Variants in PTBP3 observed in about 807,000 individuals in gnomAD.
The protein encoded by PTBP3 is polypyrimidine tract-binding protein 3.
PTBP3 carries 20 observed loss-of-function variants against 58.7 expected under a neutral mutation model. That is an observed-to-expected ratio of 0.34 (90% CI 0.24 to 0.50). The LOEUF is 0.50. Ranked by LOEUF, PTBP3 falls within the 20% of genes least tolerant of loss-of-function variation. The pLI, the probability that PTBP3 is intolerant of heterozygous loss-of-function variation, is 0.98. For synonymous variants in PTBP3, 185 were observed against 219.8 expected (o/e 0.84, Z 1.40); for missense variants, 509 against 637.2 (o/e 0.80, Z 2.17).
chr9:112,287,672 C>A (rs572142951), intron 2 of PTBP3, among the ~76,000 whole-genome samples: 49 of 152,208 alleles, frequency 3.2e-4, no homozygotes, highest in African/African-American at 1.1e-3. Context: ...GCTTCAGTTT[C>A]TTTTGCTATC....
At chr9:112,361,618 T>C in the PTBP3 span, among the ~76,000 whole-genome samples, 3 of 152,232 alleles carry the variant, frequency 2.0e-5, no homozygotes, top group Non-Finnish European at 4.4e-5. Flanking sequence ...CCCAAGTCAA[T>C]TATTATATCA....
chr9:112,267,148 AT>A (rs988331541), intron 4 of PTBP3, among the ~76,000 whole-genome samples: 5 of 151,390 alleles, frequency 3.3e-5, no homozygotes, highest in African/African-American at 1.2e-4. Flanking sequence ...TAAAATCATA[AT>A]TTTAAAAAAA....
chr9:112,310,579 T>A (rs923494490), intron 1 of PTBP3, among the ~76,000 whole-genome samples: 1 of 152,206 alleles, frequency 6.6e-6, no homozygotes, highest in Admixed American at 6.5e-5. Context: ...TGGGGAAGAT[T>A]AGGGAACAAA....
intron 1 of PTBP3, among the ~76,000 whole-genome samples, chr9:112,320,314 A>ATATATATATATATATTTT: frequency 0.026 from 1,965 of 75,006 alleles, 57 homozygotes; most frequent in Non-Finnish European, 0.032. Flanking sequence ...ATATATATAT[A>ATATATATATATATATTTT]TTTTTTTTTA....
chr9:112,256,296 T>TATATATAC (rs1325197563), intron 5 of PTBP3, among the ~76,000 whole-genome samples: 1 of 70,308 alleles, frequency 1.4e-5, no homozygotes, highest in Non-Finnish European at 2.7e-5. Context: ...TATATATACA[T>TATATATAC]ATATATATAT....
chr9:112,295,747 A>G (rs1334095538), intron 2 of PTBP3, among the ~76,000 whole-genome samples: 1 of 152,210 alleles, frequency 6.6e-6, no homozygotes. Context: ...AAGGACATAA[A>G]ATAGAACCTA....
At chr9:112,277,919 AAC>A (rs1335843578) in intron 2 of PTBP3, among the ~76,000 whole-genome samples, 31 of 131,866 alleles carry the variant, frequency 2.4e-4, no homozygotes, top group South Asian at 1.0e-3. Flanking sequence ...AACATAACAT[AAC>A]ATAACATAAC....
the PTBP3 span, among the ~76,000 whole-genome samples, chr9:112,378,919 G>A: frequency 6.6e-6 from 1 of 152,228 alleles, no homozygotes; most frequent in Non-Finnish European, 1.5e-5. Flanking sequence ...GGGCGCGGAG[G>A]CTCACGCCTG....
At chr9:112,257,777 TA>T (rs1836431969) in intron 5 of PTBP3, among the ~76,000 whole-genome samples, 1 of 151,896 alleles carries the variant, frequency 6.6e-6, no homozygotes, top group Non-Finnish European at 1.5e-5. Flanking sequence ...CCTCCTCCAC[TA>T]AAAGTACAAA....
At chr9:112,331,431 T>C (rs964862125) in intron 1 of PTBP3, among the ~76,000 whole-genome samples, 2 of 152,260 alleles carry the variant, frequency 1.3e-5, no homozygotes, top group Admixed American at 6.5e-5. Context: ...GAATACATTC[T>C]ACATATTGTT....
chr9:112,331,031 C>A (rs1830347549), intron 1 of PTBP3, among the ~76,000 whole-genome samples: 2 of 151,200 alleles, frequency 1.3e-5, no homozygotes, highest in South Asian at 4.2e-4. Flanking sequence ...TAAAAATATT[C>A]TATCACGTCA....
the PTBP3 span, among the ~76,000 whole-genome samples, chr9:112,371,879 A>C: frequency 6.6e-6 from 1 of 152,002 alleles, no homozygotes; most frequent in East Asian, 1.9e-4. Context: ...GATCACAGGC[A>C]TGCACCACCA....
intron 3 of PTBP3, among the ~76,000 whole-genome samples, chr9:112,271,715 C>A (rs908242603): frequency 2.6e-5 from 4 of 151,336 alleles, no homozygotes; most frequent in African/African-American, 9.7e-5. Context: ...CCAGCCTGGG[C>A]AACAGAGCAA....
chr9:112,362,088 C>G, the PTBP3 span, among the ~76,000 whole-genome samples: 1 of 152,150 alleles, frequency 6.6e-6, no homozygotes. Flanking sequence ...CCTGTAATCC[C>G]AGCACTTTGG....
At chr9:112,268,322 A>AAAT in intron 3 of PTBP3, 127 bp from the exon 4 acceptor site, 1 of 895,454 alleles carries the variant, frequency 1.1e-6, no homozygotes, top group Non-Finnish European at 1.5e-6. Flanking sequence ...CCCCAAGGGG[A>AAAT]GGGAAAAACA....
At chr9:112,345,341 TAAAAAAAAAAAA>T in the PTBP3 span, among the ~76,000 whole-genome samples, 7 of 63,696 alleles carry the variant, frequency 1.1e-4, no homozygotes, top group African/African-American at 2.3e-4. Context: ...CCCTCATCTC[TAAAAAAAAAAAA>T]AAAAAAAAAA....
At chr9:112,280,279 T>C (rs1001042936) in intron 2 of PTBP3, among the ~76,000 whole-genome samples, 1 of 152,192 alleles carries the variant, frequency 6.6e-6, no homozygotes, top group East Asian at 1.9e-4. Flanking sequence ...GGTCTCGAAC[T>C]CCTGACCTCA....
At chr9:112,330,370 T>C (rs1052753291) in intron 1 of PTBP3, 3 of 1,144,118 alleles carry the variant, frequency 2.6e-6, no homozygotes, top group African/African-American at 3.2e-5. Context: ...GATAATTTTA[T>C]GAACAGGTGA....
At chr9:112,331,127 G>A (rs868805756) in intron 1 of PTBP3, among the ~76,000 whole-genome samples, 152 of 100,078 alleles carry the variant, frequency 1.5e-3, no homozygotes, top group African/African-American at 4.6e-3. Flanking sequence ...ACACACACAC[G>A]AGAGACAGTT....
Sources: allele counts gnomAD v4.1 joint callset (sites outside exome capture counted in the v4.1 genomes callset), GRCh38; gene constraint gnomAD v4.1.1; transcripts MANE v1.5; gene names NCBI Gene and HGNC (gene_info 2026-07-23, HGNC 2026-07-21).